Variants in CACNA2D3 observed in about 807,000 individuals in gnomAD.
CACNA2D3 encodes the protein calcium voltage-gated channel auxiliary subunit alpha2delta 3.
A neutral mutation model predicts 160.6 loss-of-function variants in CACNA2D3; 60 were observed. That is an observed-to-expected ratio of 0.37 (90% CI 0.30 to 0.46). The LOEUF (loss-of-function observed/expected upper bound fraction) is 0.46. CACNA2D3 is among the 20% of genes least tolerant of loss of function. The pLI is 1.00. For synonymous variants in CACNA2D3, 558 were observed against 492.9 expected (o/e 1.13, Z -1.75); for missense variants, 1,205 against 1,365.0 (o/e 0.88, Z 1.85).
At chr3:54,279,271 C>T (rs550105644) in intron 2 of CACNA2D3, among the ~76,000 whole-genome samples, 15 of 152,254 alleles carry the variant, frequency 9.9e-5, no homozygotes, top group Admixed American at 2.0e-4. Context: ...TGAAACATTA[C>T]GAGTGATTTC....
intron 37 of CACNA2D3, 56 bp from the exon 38 acceptor site, chr3:55,074,058 G>A: frequency 1.4e-6 from 2 of 1,441,474 alleles, no homozygotes; most frequent in Non-Finnish European, 2.0e-6. Flanking sequence ...TCTGGGGAAA[G>A]TTGAAGGTGT....
chr3:54,863,355 T>A (rs1422832848), intron 17 of CACNA2D3, among the ~76,000 whole-genome samples: 6 of 152,150 alleles, frequency 3.9e-5, no homozygotes, highest in Admixed American at 6.5e-5. Context: ...CGAGGAGCAT[T>A]CTTTTCTCAG....
intron 12 of CACNA2D3, among the ~76,000 whole-genome samples, chr3:54,757,819 C>T (rs1702001121): frequency 6.6e-6 from 1 of 152,196 alleles, no homozygotes; most frequent in Non-Finnish European, 1.5e-5. Context: ...GCAAGACTAG[C>T]ACCTTGTTCC....
chr3:54,835,117 C>G (rs749709451), intron 14 of CACNA2D3, among the ~76,000 whole-genome samples: 27 of 152,174 alleles, frequency 1.8e-4, no homozygotes, highest in Non-Finnish European at 2.6e-4. Context: ...ACCATGAGTT[C>G]CCAGTCCTAG....
At chr3:54,351,903 T>C (rs1051530994) in intron 3 of CACNA2D3, among the ~76,000 whole-genome samples, 2 of 151,648 alleles carry the variant, frequency 1.3e-5, no homozygotes, top group Admixed American at 6.5e-5. Context: ...ACACATCAGA[T>C]TCATCTAAAC....
intron 2 of CACNA2D3, among the ~76,000 whole-genome samples, chr3:54,297,958 A>AC (rs537974802): frequency 1.6e-4 from 24 of 152,082 alleles, no homozygotes; most frequent in Non-Finnish European, 1.5e-4. Context: ...CCCCAACACC[A>AC]CCCCAGATCT....
intron 27 of CACNA2D3, among the ~76,000 whole-genome samples, chr3:54,928,987 C>G (rs1701109574): frequency 1.3e-5 from 2 of 152,150 alleles, no homozygotes; most frequent in South Asian, 4.2e-4. Flanking sequence ...ACCCCTGAAG[C>G]TGCCCTTCTA....
Position 55,033,582 on chromosome 3 carries a change from G to GTATATATATATA in CACNA2D3, c.2987+15266_2987+15267insATATATATATAT, listed in dbSNP as rs755336238. Among the ~76,000 whole-genome samples the GTATATATATATA allele has an allele frequency of 4.1e-4, 49 of 119,586 alleles. 1 individual carries two copies. The highest frequency in any genetic ancestry group is 1.4e-3 in the African/African-American group (43 of 30,008). The allele number at this position is 119,586 out of a possible 152,430, so 78.5% of individuals were successfully genotyped here. A position where few individuals can be genotyped will look rare whatever the true frequency, so the allele number is the denominator to read the frequency against. ...AAACTATCGTGTCATTTATGTGTGT[G>GTATATATATATA]TGTATATATATATATATATATATAT... On this transcript the variant is annotated intron_variant, in intron 35 of 37. Coordinates refer to ENST00000474759, the MANE Select transcript of CACNA2D3 (RefSeq NM_018398.3).
chr3:54,189,001 G>T (rs1201423374), intron 2 of CACNA2D3, among the ~76,000 whole-genome samples: 4 of 152,160 alleles, frequency 2.6e-5, no homozygotes, highest in African/African-American at 9.7e-5. Context: ...AATACATCCA[G>T]CCTGAGTCAA....
chr3:54,303,010 C>A (rs1379065151), intron 2 of CACNA2D3, among the ~76,000 whole-genome samples: 1 of 152,182 alleles, frequency 6.6e-6, no homozygotes, highest in Non-Finnish European at 1.5e-5. Context: ...TTTCCCTCTC[C>A]TGTGACCTCA....
chr3:54,445,075 T>TAGC (rs1318688776), intron 4 of CACNA2D3, among the ~76,000 whole-genome samples: 3 of 152,172 alleles, frequency 2.0e-5, no homozygotes, highest in Non-Finnish European at 4.4e-5. Context: ...AACAGGCAGG[T>TAGC]AGCAGATGCA....
chr3:54,748,399 TTTTG>T (rs1388746760), intron 11 of CACNA2D3, among the ~76,000 whole-genome samples: 15 of 152,306 alleles, frequency 9.8e-5, no homozygotes, highest in Admixed American at 9.8e-4. Flanking sequence ...TGGATGAGTT[TTTTG>T]TTTGTTCCAT....
intron 3 of CACNA2D3, among the ~76,000 whole-genome samples, chr3:54,338,264 A>C (rs796226222): frequency 1.8e-4 from 27 of 152,326 alleles, no homozygotes; most frequent in African/African-American, 6.5e-4. Context: ...CAGGAATAAA[A>C]CACCATAACT....
At chr3:54,819,888 T>C (rs1703548483) in intron 14 of CACNA2D3, among the ~76,000 whole-genome samples, 1 of 152,112 alleles carries the variant, frequency 6.6e-6, no homozygotes, top group African/African-American at 2.4e-5. Context: ...TTAAACTGAC[T>C]GCACCTTCTT....
chr3:54,546,469 C>T (rs1385986541), intron 5 of CACNA2D3, among the ~76,000 whole-genome samples: 1 of 152,036 alleles, frequency 6.6e-6, no homozygotes, highest in Non-Finnish European at 1.5e-5. Context: ...AATGTTCTTC[C>T]TTTCTTCTTC....
intron 35 of CACNA2D3, among the ~76,000 whole-genome samples, chr3:55,059,624 C>G (rs1481202834): frequency 6.6e-6 from 1 of 152,228 alleles, no homozygotes; most frequent in African/African-American, 2.4e-5. Context: ...GCTCTTTTAG[C>G]TCTGCTGTCC....
At chr3:54,382,190 A>G (rs1439297073) in intron 3 of CACNA2D3, among the ~76,000 whole-genome samples, 1 of 152,232 alleles carries the variant, frequency 6.6e-6, no homozygotes, top group Non-Finnish European at 1.5e-5. Flanking sequence ...AAAGAAAATT[A>G]ACATTATTAT....
At chr3:54,769,392 G>T (rs932528677) in intron 13 of CACNA2D3, among the ~76,000 whole-genome samples, 1 of 152,082 alleles carries the variant, frequency 6.6e-6, no homozygotes. Context: ...TGTTTTGTTG[G>T]TATTGATAGC....
chr3:54,232,622 T>C (rs769760592), intron 2 of CACNA2D3, among the ~76,000 whole-genome samples: 14 of 152,200 alleles, frequency 9.2e-5, no homozygotes, highest in Non-Finnish European at 1.8e-4. Flanking sequence ...AACTCCACCA[T>C]GCTTCCAGGG....
Sources: allele counts gnomAD v4.1 joint callset (sites outside exome capture counted in the v4.1 genomes callset), GRCh38; gene constraint gnomAD v4.1.1; transcripts MANE v1.5; gene names NCBI Gene and HGNC (gene_info 2026-07-23, HGNC 2026-07-21).